PTPRN2: variants seen among roughly 807,000 people sequenced by gnomAD.
PTPRN2 encodes receptor-type tyrosine-protein phosphatase N2.
A neutral mutation model predicts 118.8 loss-of-function variants in PTPRN2; 74 were observed. That is an observed-to-expected ratio of 0.62 (90% CI 0.52 to 0.76). The LOEUF is 0.76. Ranked by LOEUF, PTPRN2 falls within the 30% of genes least tolerant of loss-of-function variation. The pLI is 0.00. For missense variants in PTPRN2, 1,481 were observed against 1,394.4 expected (o/e 1.06, Z -0.99); for synonymous variants, 641 against 608.0 (o/e 1.05, Z -0.80).
chr7:158,071,157 T>C lies in PTPRN2; in HGVS notation c.1723+10141A>G, dbSNP rs868374556. Among the ~76,000 whole-genome samples, 58 of 42,814 alleles carry C rather than the reference T, an allele frequency of 1.4e-3. 2 individuals carry two copies. Among genetic ancestry groups the C allele is most frequent in the South Asian group, 2.9e-3 (2 of 678 alleles). The allele number at this position is 42,814 out of a possible 152,430, so 28.1% of individuals were successfully genotyped here. Reference sequence around the variant, plus strand: ...GAGGTGCTCGTGGTGGTGGAGGTGCTCGTGGTGGAGGTGCTCTTAGTATGG... The same window carrying C: ...GAGGTGCTCGTGGTGGTGGAGGTGCCCGTGGTGGAGGTGCTCTTAGTATGG... On this transcript the variant is annotated intron_variant, in intron 11 of 22. Transcript: ENST00000389418.
At chr7:157,948,982 G>C (rs561227771) in intron 11 of PTPRN2, among the ~76,000 whole-genome samples, 1 of 152,252 alleles carries the variant, frequency 6.6e-6, no homozygotes, top group African/African-American at 2.4e-5. Context: ...ATAAATGTGG[G>C]TTCTGCAGGG....
intron 11 of PTPRN2, among the ~76,000 whole-genome samples, chr7:158,025,806 C>T (rs1319053181): frequency 2.0e-5 from 3 of 152,244 alleles, no homozygotes; most frequent in East Asian, 1.9e-4. Context: ...CTAAGAAAAG[C>T]GGCACCCACA....
rs756234746 is a variant in PTPRN2 at position 157,568,939 on chromosome 7, G to A, written c.2865C>T (p.Tyr955=). Residue 955 remains tyrosine (Y), a synonymous_variant, in exon 21 of 23, where the codon TAC becomes TAT. Transcript: ENST00000389418. Reference sequence around the variant, plus strand: ...TGTTGAGAACCATGTCGATCAGGACGTAGGTGCCGCTCCGGCCTGCACCGT... The same window carrying A: ...TGTTGAGAACCATGTCGATCAGGACATAGGTGCCGCTCCGGCCTGCACCGT... ...CSDGAGRSGT[Y]VLIDMVLNKM... The A allele has an allele frequency of 1.3e-6, 2 of 1,578,708 alleles. No individual in the cohort carries two copies. The highest frequency in any genetic ancestry group is 2.2e-5 in the East Asian group (1 of 44,710).
At chr7:157,641,871 C>T (rs1394256638) in intron 14 of PTPRN2, among the ~76,000 whole-genome samples, 1 of 152,148 alleles carries the variant, frequency 6.6e-6, no homozygotes, top group African/African-American at 2.4e-5. Context: ...CACAAAGCTA[C>T]CTGACGTCTG....
intron 2 of PTPRN2, among the ~76,000 whole-genome samples, chr7:158,378,226 A>C (rs1586515174): frequency 6.6e-6 from 1 of 152,194 alleles, no homozygotes; most frequent in East Asian, 1.9e-4. Flanking sequence ...TGACCTTGAC[A>C]ATGGCTTTTT....
In PTPRN2 at chr7:157,999,873, C is replaced by CT. The variant is rs975846065; in HGVS notation, c.1723+81424dup. Reference sequence around the variant, plus strand: ...CTTTGGCCTCTGGTTTTTATTTTTACTTTTTTTTTTTATTTTTCATTATTA... The same window carrying CT: ...CTTTGGCCTCTGGTTTTTATTTTTACTTTTTTTTTTTTATTTTTCATTATTA... On this transcript the variant is annotated intron_variant, in intron 11 of 22. Coordinates refer to ENST00000389418, the MANE Select transcript of PTPRN2 (RefSeq NM_002847.5). Among the ~76,000 whole-genome samples, 251 of 148,358 alleles carry CT rather than the reference C, an allele frequency of 1.7e-3. 1 individual carries two copies. The highest frequency in any genetic ancestry group is 2.5e-3 in the African/African-American group (100 of 40,490).
At chr7:158,149,076 C>T (rs910418877) in intron 6 of PTPRN2, among the ~76,000 whole-genome samples, 57 of 129,654 alleles carry the variant, frequency 4.4e-4, no homozygotes, top group South Asian at 7.4e-4. Context: ...GTGTCATTCC[C>T]CCTCACTGAC....
Position 157,986,715 on chromosome 7 carries a change from C to G in PTPRN2, c.1724-87978G>C, listed in dbSNP as rs891069900. 2.6e-5 allele frequency among the ~76,000 whole-genome samples: 4 copies of G among 152,178 alleles called. No homozygotes were observed. Among genetic ancestry groups the G allele is most frequent in the Non-Finnish European group, 5.9e-5 (4 of 68,030 alleles). On this transcript the variant is annotated intron_variant, in intron 11 of 22. Coordinates refer to ENST00000389418, the MANE Select transcript of PTPRN2 (RefSeq NM_002847.5). The surrounding 1 kb of genome is among the most constrained non-coding windows in gnomAD (Gnocchi z 4.5). ...AGAAATAATGAAGGCTTCACTCTTCCACGGGGTTCTGCCCTTGGAAGAACT... is the reference window on the plus strand; with the variant it reads ...AGAAATAATGAAGGCTTCACTCTTCGACGGGGTTCTGCCCTTGGAAGAACT...
intron 22 of PTPRN2, among the ~76,000 whole-genome samples, chr7:157,546,540 G>T (rs1187803393): frequency 6.6e-6 from 1 of 152,198 alleles, no homozygotes; most frequent in Non-Finnish European, 1.5e-5. Flanking sequence ...TTGGTTTTCT[G>T]TTCCTGTGTT....
rs896893088 is a variant in PTPRN2, at chr7:157,657,225, G to A, written c.2002-674C>T. On this transcript the variant is annotated intron_variant, in intron 13 of 22. Coordinates refer to ENST00000389418, the MANE Select transcript of PTPRN2 (RefSeq NM_002847.5). ...ACATCACACATATACACACACATAC[G>A]CCACACACACACACCACACACATCA... is the stretch of plus-strand genomic sequence containing the variant. Among the ~76,000 whole-genome samples the A allele has an allele frequency of 4.1e-3, 123 of 30,032 alleles. 2 individuals carry two copies. The highest frequency in any genetic ancestry group is 0.029 in the Middle Eastern group (1 of 34). The allele number at this position is 30,032 out of a possible 152,430, so 19.7% of individuals were successfully genotyped here.
chr7:158,482,474 G>A (rs371905231), intron 2 of PTPRN2, among the ~76,000 whole-genome samples: 271 of 152,296 alleles, frequency 1.8e-3, no homozygotes, highest in Middle Eastern at 3.4e-3. Flanking sequence ...CCCTCCACCC[G>A]CAGGAAGATT....
intron 13 of PTPRN2, among the ~76,000 whole-genome samples, chr7:157,677,815 A>G (rs1796740014): frequency 6.6e-6 from 1 of 152,200 alleles, no homozygotes; most frequent in African/African-American, 2.4e-5. Context: ...GGGATTTGGC[A>G]CCAGCGTGAC....
intron 12 of PTPRN2, among the ~76,000 whole-genome samples, chr7:157,798,483 T>C (rs1805013542): frequency 1.3e-5 from 2 of 151,894 alleles, no homozygotes; most frequent in African/African-American, 2.4e-5. Context: ...TCGTTAGCAG[T>C]GGCCCCTCCA....
intron 21 of PTPRN2, among the ~76,000 whole-genome samples, chr7:157,562,044 G>A (rs1799219113): frequency 6.6e-6 from 1 of 152,182 alleles, no homozygotes; most frequent in African/African-American, 2.4e-5. Context: ...CCTGGGGAGG[G>A]GAAGGGTGCG....
chr7:158,277,131 G>A (rs115159289), intron 3 of PTPRN2, among the ~76,000 whole-genome samples: 2,270 of 148,762 alleles, frequency 0.015, 56 homozygotes, highest in African/African-American at 0.052. Context: ...ACACGTGCCC[G>A]CACACGCACA....
rs370887015 is a variant in PTPRN2 at position 158,363,200 on chromosome 7, G to C, written c.164-46268C>G. On this transcript the variant is annotated intron_variant, in intron 2 of 22. Transcript: ENST00000389418. ...CAGAGAGGCAAGGGGAGGACACTAGGGAGGCCAGGAGAGGCTACGGGAGGA... is the reference window on the plus strand; with the variant it reads ...CAGAGAGGCAAGGGGAGGACACTAGCGAGGCCAGGAGAGGCTACGGGAGGA... Among the ~76,000 whole-genome samples, 120 of 152,230 alleles carry C rather than the reference G, an allele frequency of 7.9e-4. 1 individual carries two copies. The highest frequency in any genetic ancestry group is 2.8e-3 in the African/African-American group (117 of 41,544).
chr7:158,464,797 A>G (rs1425720158), intron 2 of PTPRN2, among the ~76,000 whole-genome samples: 1 of 151,814 alleles, frequency 6.6e-6, no homozygotes, highest in Non-Finnish European at 1.5e-5. Flanking sequence ...CATCGCCATC[A>G]TTGGCATGCC....
chr7:157,909,437 A>C (rs1284546160), intron 11 of PTPRN2, among the ~76,000 whole-genome samples: 2 of 152,228 alleles, frequency 1.3e-5, no homozygotes, highest in Non-Finnish European at 2.9e-5. Flanking sequence ...CTCTCCTCAA[A>C]GCCCTGCGCT....
intron 15 of PTPRN2, among the ~76,000 whole-genome samples, chr7:157,612,301 T>C (rs575242038): frequency 9.4e-4 from 143 of 151,810 alleles, no homozygotes; most frequent in Non-Finnish European, 1.3e-3. Context: ...AGCACAGATA[T>C]CAGACAGGCA....
Sources: gnomAD v4.1 joint callset for allele counts (sites outside exome capture counted in the v4.1 genomes callset) on GRCh38, gnomAD v4.1.1 for gene constraint, Gnocchi (gnomAD v3.1) non-coding constraint, MANE v1.5 for transcripts, NCBI Gene and HGNC (gene_info 2026-07-23, HGNC 2026-07-21) for gene names.